The following RYR3 variants were observed in gnomAD, a reference collection of about 807,000 sequenced individuals.
RYR3 encodes the protein ryanodine receptor 3.
A neutral mutation model predicts 584.3 loss-of-function variants in RYR3; 207 were observed. That is an observed-to-expected ratio of 0.35 (90% CI 0.32 to 0.40). The LOEUF is 0.40. Among genes scored for constraint, RYR3 ranks in the 10% least tolerant of loss-of-function variants. The probability of loss-of-function intolerance (pLI) is 1.00; values close to 1 mark genes in which losing one functional copy is unlikely to be tolerated. For missense variants in RYR3, 5,616 were observed against 6,089.2 expected (o/e 0.92, Z 2.59); for synonymous variants, 2,416 against 2,248.5 (o/e 1.07, Z -2.11).
chr15:33,628,800 C>T (rs1780146388), intron 21 of RYR3, among the ~76,000 whole-genome samples: 1 of 152,196 alleles, frequency 6.6e-6, no homozygotes. Context: ...CTTCAGAATA[C>T]TCACATCTCT....
intron 1 of RYR3, among the ~76,000 whole-genome samples, chr15:33,369,484 A>G (rs1240443267): frequency 2.0e-5 from 3 of 151,924 alleles, no homozygotes; most frequent in South Asian, 2.1e-4. Context: ...CCTTCCATCT[A>G]TAGTTTCTGT....
intron 1 of RYR3, among the ~76,000 whole-genome samples, chr15:33,394,146 T>A (rs1248061993): frequency 6.6e-6 from 1 of 152,194 alleles, no homozygotes; most frequent in Admixed American, 6.5e-5. Flanking sequence ...CTGTCCTCAT[T>A]TTCCATGTTG....
chr15:33,669,244 A>C, intron 36 of RYR3, 110 bp from the exon 37 acceptor site: 1 of 698,284 alleles, frequency 1.4e-6, no homozygotes, highest in South Asian at 3.4e-5. Flanking sequence ...AAAAAAAATC[A>C]CTAAGTAAAA....
chr15:33,441,849 T>A (rs1308225736), intron 1 of RYR3, among the ~76,000 whole-genome samples: 1 of 152,226 alleles, frequency 6.6e-6, no homozygotes, highest in Non-Finnish European at 1.5e-5. Flanking sequence ...TGAGAGCCTC[T>A]TGATGGTGAC....
intron 11 of RYR3, 120 bp from the exon 12 acceptor site, chr15:33,566,558 C>G: frequency 9.2e-7 from 1 of 1,090,686 alleles, no homozygotes; most frequent in Non-Finnish European, 1.4e-6. Context: ...CAAAATGGAC[C>G]CAAGAGAGCT....
chr15:33,652,610 T>C, intron 31 of RYR3, 108 bp from the exon 32 acceptor site: 2 of 1,156,596 alleles, frequency 1.7e-6, no homozygotes, highest in South Asian at 2.9e-5. Flanking sequence ...AACAGAAAGC[T>C]TCCTAGGAAA....
chr15:33,550,313 A>C lies in RYR3; in HGVS notation c.969A>C (p.Ser323=). 1 of 1,612,636 alleles carries C rather than the reference A, an allele frequency of 6.2e-7. No individual in the cohort carries two copies. The highest frequency in any genetic ancestry group is 8.5e-7 in the Non-Finnish European group (1 of 1,179,262). ...CCACAGCTTTCTCTTTCCGGGCATC[A>C]AAGGTAAGGTGTGATAAAGTGGACT... ...TKSTAFSFRA[S]KELKEKLDSS... is the part of the protein sequence containing the mutation. The change falls in exon 10 of 104, where the codon TCA becomes TCC. Residue 323 remains serine, a synonymous_variant. Transcript: ENST00000634891.
chr15:33,528,552 A>T (rs915482130), intron 3 of RYR3, among the ~76,000 whole-genome samples: 1 of 152,140 alleles, frequency 6.6e-6, no homozygotes, highest in African/African-American at 2.4e-5. Flanking sequence ...CATCATTTTT[A>T]TACACAAATC....
At chr15:33,741,582 G>C (rs989691699) in intron 51 of RYR3, among the ~76,000 whole-genome samples, 8 of 151,652 alleles carry the variant, frequency 5.3e-5, no homozygotes, top group African/African-American at 1.9e-4. Flanking sequence ...GGTGTCTACT[G>C]TACTGCCAAA....
intron 67 of RYR3, among the ~76,000 whole-genome samples, chr15:33,797,600 G>T (rs2075697169): frequency 6.6e-6 from 1 of 151,956 alleles, no homozygotes. Context: ...AAGAGGGGTG[G>T]CCAAAGAAAA....
intron 39 of RYR3, among the ~76,000 whole-genome samples, chr15:33,697,154 C>G (rs908743300): frequency 6.6e-6 from 1 of 152,160 alleles, no homozygotes; most frequent in Admixed American, 6.5e-5. Context: ...ACTTTTCATC[C>G]TACCACCCTT....
intron 3 of RYR3, among the ~76,000 whole-genome samples, chr15:33,522,646 G>A (rs564236903): frequency 6.9e-6 from 1 of 144,716 alleles, no homozygotes; most frequent in South Asian, 2.1e-4. Context: ...CAATTAGCCA[G>A]TTGAGGATTT....
chr15:33,432,593 CTTTT>C (rs1488249369), intron 1 of RYR3, among the ~76,000 whole-genome samples: 2 of 141,646 alleles, frequency 1.4e-5, no homozygotes, highest in Non-Finnish European at 3.1e-5. Flanking sequence ...GAAGATTTTT[CTTTT>C]TTTCTTTCTT....
intron 3 of RYR3, among the ~76,000 whole-genome samples, chr15:33,528,720 A>G (rs541504407): frequency 2.6e-5 from 4 of 152,200 alleles, no homozygotes; most frequent in Non-Finnish European, 5.9e-5. Context: ...CAATGGTAGT[A>G]ATCACCATGA....
chr15:33,335,115 T>C (rs765734127), intron 1 of RYR3, among the ~76,000 whole-genome samples: 18 of 152,200 alleles, frequency 1.2e-4, no homozygotes, highest in Admixed American at 7.9e-4. Context: ...TGGAAGACAG[T>C]GTGGCAATTC....
chr15:33,509,568 TTGAA>T (rs1186260644), intron 3 of RYR3, among the ~76,000 whole-genome samples: 3 of 152,220 alleles, frequency 2.0e-5, no homozygotes, highest in Non-Finnish European at 4.4e-5. Context: ...AAATACATAA[TTGAA>T]TGAGTCAAAT....
chr15:33,413,908 G>T (rs2043592449), intron 1 of RYR3, among the ~76,000 whole-genome samples: 1 of 152,160 alleles, frequency 6.6e-6, no homozygotes, highest in Non-Finnish European at 1.5e-5. Context: ...GCTCTTAGTG[G>T]CTATTTTTGC....
At chr15:33,555,244 G>A (rs548727777) in intron 10 of RYR3, among the ~76,000 whole-genome samples, 1 of 152,254 alleles carries the variant, frequency 6.6e-6, no homozygotes, top group Non-Finnish European at 1.5e-5. Flanking sequence ...TGTGCTCATG[G>A]TGCACCTGTC....
At chr15:33,682,155 G>A (rs2064671902) in intron 38 of RYR3, among the ~76,000 whole-genome samples, 1 of 152,174 alleles carries the variant, frequency 6.6e-6, no homozygotes, top group African/African-American at 2.4e-5. Flanking sequence ...TTTCTCATAA[G>A]GGTCACACAT....
Sources: gnomAD v4.1 joint callset for allele counts (sites outside exome capture counted in the v4.1 genomes callset) on GRCh38, gnomAD v4.1.1 for gene constraint, MANE v1.5 for transcripts, NCBI Gene and HGNC (gene_info 2026-07-23, HGNC 2026-07-21) for gene names.